ANKRD50: variants seen among roughly 807,000 people sequenced by gnomAD.
The protein encoded by ANKRD50 is ankyrin repeat domain 50.
ANKRD50 carries 40 observed loss-of-function variants against 112.0 expected under a neutral mutation model. The observed-to-expected ratio is 0.36, with a 90% CI of 0.28 to 0.46. The LOEUF is 0.46. Among genes scored for constraint, ANKRD50 ranks in the 20% least tolerant of loss-of-function variants. The pLI, the probability that ANKRD50 is intolerant of heterozygous loss-of-function variation, is 1.00. For missense variants in ANKRD50, 1,487 were observed against 1,701.7 expected (o/e 0.87, Z 2.22); for synonymous variants, 613 against 619.1 (o/e 0.99, Z 0.15).
At chr4:124,691,417 G>C (rs918261181) in intron 2 of ANKRD50, among the ~76,000 whole-genome samples, 1 of 148,264 alleles carries the variant, frequency 6.7e-6, no homozygotes, top group Non-Finnish European at 1.5e-5. Context: ...GCGTGAACCC[G>C]GGAAGCGGAG....
At chr4:124,701,435 T>G (rs1725388044) in intron 2 of ANKRD50, among the ~76,000 whole-genome samples, 1 of 152,240 alleles carries the variant, frequency 6.6e-6, no homozygotes, top group Non-Finnish European at 1.5e-5. Context: ...ACGAGGAATA[T>G]GTAATTCTTC....
chr4:124,691,209 C>G (rs1470786391), intron 2 of ANKRD50, among the ~76,000 whole-genome samples: 3 of 152,182 alleles, frequency 2.0e-5, no homozygotes, highest in East Asian at 3.9e-4. Context: ...AAAAGGAGAA[C>G]AGGCCGGGCG....
intron 2 of ANKRD50, among the ~76,000 whole-genome samples, chr4:124,708,034 A>T (rs1348038892): frequency 6.6e-6 from 1 of 152,110 alleles, no homozygotes; most frequent in Non-Finnish European, 1.5e-5. Context: ...GTTACATCAG[A>T]TTAAGTTCAC....
At chr4:124,700,446 T>C (rs1332970776) in intron 2 of ANKRD50, among the ~76,000 whole-genome samples, 4 of 152,168 alleles carry the variant, frequency 2.6e-5, no homozygotes, top group African/African-American at 4.8e-5. Flanking sequence ...AGGACTCTAG[T>C]GCAGTAATAG....
rs756600446 is a variant in ANKRD50, at chr4:124,670,123, C to A, written c.3154G>T (p.Ala1052Ser). The change falls in exon 4 of 5, where the codon GCA becomes TCA. Residue 1052 changes from alanine (A) to serine (S), a missense_variant. Physicochemically the swap from Ala to Ser is moderately conservative, Grantham distance 99. This residue lies in a region of ANKRD50 where 1,046 missense variants were observed against 1,269.5 expected (regional missense o/e 0.82). Coordinates refer to ENST00000504087, the MANE Select transcript of ANKRD50 (RefSeq NM_020337.3). ...ACATCAATGTGCCCTTCCTGGGCTG[C>A]AATACAGAGTGCAGTTGCACCTTGG... ...CNQGATALCI[A>S]AQEGHIDVVQ... is the part of the protein sequence containing the mutation. 1.2e-6 allele frequency: 2 copies of A among 1,613,274 alleles called. No individual in the cohort carries two copies. Among genetic ancestry groups the A allele is most frequent in the Admixed American group, 1.7e-5 (1 of 59,814 alleles).
In ANKRD50 at chr4:124,667,165, T is replaced by C. The variant is rs1425233836; in HGVS notation, c.*353A>G. 1 of 152,078 alleles carries C rather than the reference T, an allele frequency of 6.6e-6. No homozygotes were observed. Among genetic ancestry groups the C allele is most frequent in the African/African-American group, 2.4e-5 (1 of 41,444 alleles). 9.4% of individuals were successfully genotyped at this position (152,078 alleles called of 1,614,324 possible). A position where few individuals can be genotyped will look rare whatever the true frequency, so the allele number is the denominator to read the frequency against. On this transcript the variant is annotated 3_prime_UTR_variant, in exon 5 of 5. Transcript: ENST00000504087. ...ATACAAGGAACACTGCCTTTTCATA[T>C]ATATTTGATTATGGCACATGCACAT...
rs760680606 is a variant in ANKRD50, at chr4:124,669,858, C to T, written c.3419G>A (p.Ser1140Asn). 5 of 1,612,758 alleles carry T rather than the reference C, an allele frequency of 3.1e-6. No individual in the cohort carries two copies. The highest frequency in any genetic ancestry group is 4.2e-6 in the Non-Finnish European group (5 of 1,179,626). Residue 1140 changes from serine (S) to asparagine (N), a missense_variant, in exon 4 of 5, where the codon AGT (serine) becomes AAT (asparagine). Around this residue, in one of 2 missense-constraint regions of ANKRD50, gnomAD observed 441 missense variants for 432.2 expected, o/e 1.02. Coordinates refer to ENST00000504087, the MANE Select transcript of ANKRD50 (RefSeq NM_020337.3). ...SLTIKSNSSGSTGGGDMQPSL... is the reference protein window; with the variant it reads ...SLTIKSNSSGNTGGGDMQPSL... ...AGGCTGCATATCCCCTCCACCAGTA[C>T]TACCAGAGCTATTTGATTTAATTGT...
Position 124,672,287 on chromosome 4 carries a change from T to C in ANKRD50, c.990A>G (p.Leu330=), listed in dbSNP as rs1730679504. The C allele has an allele frequency of 1.2e-6, 2 of 1,613,704 alleles. No homozygotes were observed. Among genetic ancestry groups the C allele is most frequent in the Non-Finnish European group, 8.5e-7 (1 of 1,179,808 alleles). Residue 330 remains leucine, a synonymous_variant, in exon 4 of 5, where the codon CTA becomes CTG. Coordinates refer to ENST00000504087, the MANE Select transcript of ANKRD50 (RefSeq NM_020337.3). ...LREIRDIPGT[L]NGLYLWLCQR... ...GGCACAGCCAGAGATATAAACCATT[T>C]AGAGTTCCTGGGATGTCACGAATTT...
rs1730449415 is a variant in ANKRD50, at chr4:124,664,743, CT to C, written c.*2774del. The C allele has an allele frequency of 6.6e-6, 1 of 152,114 alleles. No individual in the cohort carries two copies. The highest frequency in any genetic ancestry group is 2.1e-4 in the South Asian group (1 of 4,834). The allele number at this position is 152,114 out of a possible 1,614,324, so 9.4% of individuals were successfully genotyped here. A position where few individuals can be genotyped will look rare whatever the true frequency, so the allele number is the denominator to read the frequency against. On this transcript the variant is annotated 3_prime_UTR_variant, in exon 5 of 5. Transcript: ENST00000504087. The stretch of plus-strand genomic sequence containing the variant: ...ACAATATTGAGAAAAGTATTTACTT[CT>C]GTTTTTTAAGTATCAAACTATTTTT...
In ANKRD50 at chr4:124,682,017, C is replaced by T. The variant is rs1021881438; in HGVS notation, c.513-3112G>A. ...TTCAAATTCATTGTGACTTATTTTA[C>T]GGCCCAGAGTATATCTATCCTAGCA... On this transcript the variant is annotated intron_variant, in intron 2 of 4. Transcript: ENST00000504087. 3.9e-5 allele frequency among the ~76,000 whole-genome samples: 6 copies of T among 152,046 alleles called. No homozygotes were observed. The East Asian group carries it at 5.8e-4, about 15-fold the overall frequency.
At chr4:124,695,514 C>T (rs1560828896) in intron 2 of ANKRD50, among the ~76,000 whole-genome samples, 3 of 152,086 alleles carry the variant, frequency 2.0e-5, no homozygotes, top group African/African-American at 7.2e-5. Context: ...ACTTAAATTC[C>T]GGGCCATGCT....
At chr4:124,682,310 A>G (rs1181464102) in intron 2 of ANKRD50, among the ~76,000 whole-genome samples, 4 of 143,258 alleles carry the variant, frequency 2.8e-5, no homozygotes, top group Non-Finnish European at 6.0e-5. Flanking sequence ...GCGACAGAGC[A>G]AGACTCCGTC....
intron 2 of ANKRD50, among the ~76,000 whole-genome samples, chr4:124,702,665 A>G (rs1318632025): frequency 6.6e-6 from 1 of 152,168 alleles, no homozygotes; most frequent in Non-Finnish European, 1.5e-5. Flanking sequence ...AGACTTGTAG[A>G]TAATAATCAA....
intron 2 of ANKRD50, among the ~76,000 whole-genome samples, chr4:124,705,823 A>T (rs1283198598): frequency 6.6e-6 from 1 of 152,188 alleles, no homozygotes; most frequent in Non-Finnish European, 1.5e-5. Flanking sequence ...TTTTGCACTA[A>T]AGGCCTAAAG....
intron 2 of ANKRD50, among the ~76,000 whole-genome samples, chr4:124,681,755 T>C (rs1724892084): frequency 6.6e-6 from 1 of 152,220 alleles, no homozygotes; most frequent in African/African-American, 2.4e-5. Flanking sequence ...GAAGTCATTT[T>C]CCATACTTTC....
chr4:124,692,283 AC>A (rs1404655347), intron 2 of ANKRD50, among the ~76,000 whole-genome samples: 1 of 152,188 alleles, frequency 6.6e-6, no homozygotes, highest in Non-Finnish European at 1.5e-5. Flanking sequence ...TGGATAATGA[AC>A]TAAAACTCTC....
chr4:124,693,244 TA>T (rs1340098678), intron 2 of ANKRD50, among the ~76,000 whole-genome samples: 2 of 152,178 alleles, frequency 1.3e-5, no homozygotes, highest in Non-Finnish European at 2.9e-5. Context: ...GAAGAAATAA[TA>T]TTGTAACTTT....
rs186887992 is a variant in ANKRD50 at position 124,689,894 on chromosome 4, G to T, written c.513-10989C>A. ...ACTGCAAAAATTTCCCTTCATATAG[G>T]TTACTTTATTAAATTTACTCTTACA... On this transcript the variant is annotated intron_variant, in intron 2 of 4. Transcript: ENST00000504087. Among the ~76,000 whole-genome samples, 76 of 150,594 alleles carry T rather than the reference G, an allele frequency of 5.0e-4. 4 individuals carry two copies. Among genetic ancestry groups the T allele is most frequent in the African/African-American group, 1.8e-3 (73 of 40,936 alleles).
rs919980136 is a variant in ANKRD50 at position 124,711,057 on chromosome 4, A to G, written c.-546T>C. 1 of 294,488 alleles carries G rather than the reference A, an allele frequency of 3.4e-6. No individual in the cohort carries two copies. 18.2% of individuals were successfully genotyped at this position (294,488 alleles called of 1,614,324 possible). A position where few individuals can be genotyped will look rare whatever the true frequency, so the allele number is the denominator to read the frequency against. Reference sequence around the variant, plus strand: ...TTTCTCGTTGAAGGATGATCACTCAAGAGTACTAGATCGTGCCAGTTTCAG... The same window carrying G: ...TTTCTCGTTGAAGGATGATCACTCAGGAGTACTAGATCGTGCCAGTTTCAG... On this transcript the variant is annotated 5_prime_UTR_variant, in exon 2 of 5. Transcript: ENST00000504087.
Sources: allele counts gnomAD v4.1 joint callset (sites outside exome capture counted in the v4.1 genomes callset), GRCh38; gene constraint gnomAD v4.1.1; regional missense constraint gnomAD v4.1.1; transcripts MANE v1.5; gene names NCBI Gene and HGNC (gene_info 2026-07-23, HGNC 2026-07-21).